Variants in NETO2 observed in about 807,000 individuals in gnomAD.
NETO2 encodes the protein neuropilin and tolloid-like protein 2.
In NETO2, 28 loss-of-function variants were observed where a neutral mutation model predicts 62.5. That is an observed-to-expected ratio of 0.45 (90% CI 0.33 to 0.61). NETO2 has a LOEUF of 0.61. Ranked by LOEUF, NETO2 falls within the 20% of genes least tolerant of loss-of-function variation. The probability of loss-of-function intolerance (pLI) is 0.02; values close to 1 mark genes in which losing one functional copy is unlikely to be tolerated. For missense variants in NETO2, 548 were observed against 643.2 expected (o/e 0.85, Z 1.60); for synonymous variants, 214 against 219.1 (o/e 0.98, Z 0.21).
chr16:47,125,228 A>T (rs1964131435), intron 4 of NETO2, among the ~76,000 whole-genome samples: 1 of 152,236 alleles, frequency 6.6e-6, no homozygotes, highest in Non-Finnish European at 1.5e-5. Flanking sequence ...AATTTAATCC[A>T]ATCAGTCATT....
At chr16:47,090,261 G>C (rs1033014638) in intron 7 of NETO2, among the ~76,000 whole-genome samples, 1 of 152,092 alleles carries the variant, frequency 6.6e-6, no homozygotes, top group African/African-American at 2.4e-5. Flanking sequence ...TATTTAAAGT[G>C]ATTAGAAAAC....
At chr16:47,142,607 C>T (rs1054217342) in intron 1 of NETO2, among the ~76,000 whole-genome samples, 1 of 152,200 alleles carries the variant, frequency 6.6e-6, no homozygotes, top group Non-Finnish European at 1.5e-5. Context: ...ATTACAAACA[C>T]GTCAGCTTTC....
chr16:47,092,067 G>C (rs1250384414), intron 7 of NETO2, among the ~76,000 whole-genome samples: 1 of 110,234 alleles, frequency 9.1e-6, no homozygotes, highest in Non-Finnish European at 1.8e-5. Context: ...CCATTATGTT[G>C]CCCAGGCTGG....
At chr16:47,105,084 A>G (rs1963644531) in intron 7 of NETO2, among the ~76,000 whole-genome samples, 2 of 150,952 alleles carry the variant, frequency 1.3e-5, no homozygotes, top group Non-Finnish European at 1.5e-5. Context: ...TATGTTGACC[A>G]GGCTGGTCTT....
Position 47,082,554 on chromosome 16 carries a change from A to G in NETO2, c.*667T>C, listed in dbSNP as rs943649762. ...AAATATAATTGAAAGGTAATAAATC[A>G]TATCATCTATTATTTCTCACAGAAA... is the stretch of plus-strand genomic sequence containing the variant. On this transcript the variant is annotated 3_prime_UTR_variant, in exon 9 of 9. Transcript: ENST00000562435. The G allele has an allele frequency of 2.6e-5, 4 of 152,238 alleles. No homozygotes were observed. Among genetic ancestry groups the G allele is most frequent in the Admixed American group, 1.3e-4 (2 of 15,276 alleles). The allele number at this position is 152,238 out of a possible 1,614,324, so 9.4% of individuals were successfully genotyped here. A position where few individuals can be genotyped will look rare whatever the true frequency, so the allele number is the denominator to read the frequency against.
chr16:47,114,947 A>AT lies in NETO2; in HGVS notation c.655-5237dup, dbSNP rs796122362. ...ACCTACACTCAACAGGTGAGGGTTC[A>AT]TTTTTTTTTTCTTTGAATATGGAGG... On this transcript the variant is annotated intron_variant, in intron 6 of 8. Coordinates refer to ENST00000562435, the MANE Select transcript of NETO2 (RefSeq NM_018092.5). Among the ~76,000 whole-genome samples, 132 of 148,742 alleles carry AT rather than the reference A, an allele frequency of 8.9e-4. 1 individual carries two copies. The highest frequency in any genetic ancestry group is 2.7e-3 in the African/African-American group (110 of 40,590).
rs1310632752 is a variant in NETO2 at position 47,132,027 on chromosome 16, T to C, written c.35-2A>G. The C allele has an allele frequency of 1.9e-6, 3 of 1,608,994 alleles. No homozygotes were observed. The highest frequency in any genetic ancestry group is 1.1e-5 in the South Asian group (1 of 90,784). ...CTACCAGTACTGTTATTAACAACACTAGAGAAATAACAGAGAAGAAAAGTT... is the reference window on the plus strand; with the variant it reads ...CTACCAGTACTGTTATTAACAACACCAGAGAAATAACAGAGAAGAAAAGTT... On this transcript the variant is annotated splice_acceptor_variant, in intron 1 of 8. Coordinates refer to ENST00000562435, the MANE Select transcript of NETO2 (RefSeq NM_018092.5). LOFTEE classifies it high-confidence loss of function.
chr16:47,139,971 A>C (rs1964431028), intron 1 of NETO2, among the ~76,000 whole-genome samples: 1 of 152,220 alleles, frequency 6.6e-6, no homozygotes, highest in Non-Finnish European at 1.5e-5. Flanking sequence ...TGTAATTTCC[A>C]ATGTTACTCC....
In NETO2 at chr16:47,131,284, A is replaced by G. The variant is rs1596746136; in HGVS notation, c.91+685T>C. 2.6e-5 allele frequency among the ~76,000 whole-genome samples: 4 copies of G among 152,286 alleles called. No individual in the cohort carries two copies. In the East Asian group the frequency reaches 7.7e-4, roughly 29 times the overall value. ...TCATCTTCCACGGTGAAAAATCATT[A>G]TCTAATTTATAAAACTGAAATAACC... On this transcript the variant is annotated intron_variant, in intron 2 of 8. Transcript: ENST00000562435.
chr16:47,087,032 A>ATTTTT (rs11359187), intron 7 of NETO2, among the ~76,000 whole-genome samples: 1 of 143,528 alleles, frequency 7.0e-6, no homozygotes, highest in Non-Finnish European at 1.5e-5. Flanking sequence ...TTATAATTAA[A>ATTTTT]TTTTTTTTTT....
At chr16:47,119,462 T>C (rs1395911213) in intron 6 of NETO2, among the ~76,000 whole-genome samples, 2 of 151,968 alleles carry the variant, frequency 1.3e-5, no homozygotes, top group East Asian at 3.8e-4. Context: ...ATTTATGTCT[T>C]TTTTTTTCTA....
At chr16:47,137,421 G>A (rs1395817944) in intron 1 of NETO2, among the ~76,000 whole-genome samples, 3 of 152,194 alleles carry the variant, frequency 2.0e-5, no homozygotes, top group Admixed American at 1.3e-4. Flanking sequence ...GAAAGCAACA[G>A]TGAGAGGTGG....
In NETO2 at chr16:47,100,080, T is replaced by C. The variant is rs183293060; in HGVS notation, c.883+9403A>G. 2.2e-4 allele frequency among the ~76,000 whole-genome samples: 34 copies of C among 152,230 alleles called. No homozygotes were observed. In the East Asian group the frequency reaches 6.2e-3, roughly 28 times the overall value. ...TGGAGGTAAAACACTCCTTAGCAAATGCAAAAGAACAGAAATCATAACAAA... is the reference window on the plus strand; with the variant it reads ...TGGAGGTAAAACACTCCTTAGCAAACGCAAAAGAACAGAAATCATAACAAA... On this transcript the variant is annotated intron_variant, in intron 7 of 8. Transcript: ENST00000562435.
chr16:47,135,859 T>C (rs1964353659), intron 1 of NETO2, among the ~76,000 whole-genome samples: 1 of 152,180 alleles, frequency 6.6e-6, no homozygotes, highest in Non-Finnish European at 1.5e-5. Flanking sequence ...TATTTATAGA[T>C]TTCAATGTTA....
At chr16:47,100,124 T>C (rs1383833460) in intron 7 of NETO2, among the ~76,000 whole-genome samples, 5 of 152,138 alleles carry the variant, frequency 3.3e-5, no homozygotes. Context: ...CAGACAACAG[T>C]GCAATCAAAT....
At chr16:47,089,200 A>C (rs1963260777) in intron 7 of NETO2, among the ~76,000 whole-genome samples, 1 of 152,232 alleles carries the variant, frequency 6.6e-6, no homozygotes, top group Non-Finnish European at 1.5e-5. Context: ...CAGCGGCTGC[A>C]GTTCAAGTAT....
intron 7 of NETO2, among the ~76,000 whole-genome samples, chr16:47,101,704 A>G (rs779322214): frequency 1.3e-5 from 2 of 152,160 alleles, no homozygotes; most frequent in Non-Finnish European, 2.9e-5. Flanking sequence ...AGAATAAAAT[A>G]CCTAGGAATA....
intron 7 of NETO2, among the ~76,000 whole-genome samples, chr16:47,102,607 A>C (rs28894728): frequency 0.047 from 7,025 of 150,530 alleles, 556 homozygotes; most frequent in African/African-American, 0.16. Context: ...AAAAAAAAAA[A>C]CAACCCCATC....
At chr16:47,138,351 G>C (rs1477833938) in intron 1 of NETO2, among the ~76,000 whole-genome samples, 1 of 152,184 alleles carries the variant, frequency 6.6e-6, no homozygotes, top group Non-Finnish European at 1.5e-5. Context: ...GGTGCGCCAA[G>C]ATCGTGCCAC....
Sources: gnomAD v4.1 joint callset for allele counts (sites outside exome capture counted in the v4.1 genomes callset) on GRCh38, gnomAD v4.1.1 for gene constraint, MANE v1.5 for transcripts, NCBI Gene and HGNC (gene_info 2026-07-23, HGNC 2026-07-21) for gene names.